The following KSR2 variants were observed in gnomAD, a reference collection of about 807,000 sequenced individuals.
KSR2 encodes kinase suppressor of ras 2.
In KSR2, 25 loss-of-function variants were observed where a neutral mutation model predicts 107.8. The observed-to-expected ratio is 0.23, with a 90% CI of 0.17 to 0.32. The LOEUF (loss-of-function observed/expected upper bound fraction) is 0.32. Among genes scored for constraint, KSR2 ranks in the 10% least tolerant of loss-of-function variants. KSR2 has a pLI of 1.00. For missense variants in KSR2, 887 were observed against 1,268.9 expected (o/e 0.70, Z 4.57); for synonymous variants, 480 against 507.0 (o/e 0.95, Z 0.71).
At chr12:117,740,617 ATATAT>A (rs1443667874) in intron 4 of KSR2, among the ~76,000 whole-genome samples, 4 of 116,838 alleles carry the variant, frequency 3.4e-5, no homozygotes, top group Admixed American at 1.0e-4. Context: ...TAAAATATAC[ATATAT>A]TATATATGTA....
intron 3 of KSR2, among the ~76,000 whole-genome samples, chr12:117,827,034 C>CAAAAA (rs58583797): frequency 0.016 from 1,606 of 103,488 alleles, 53 homozygotes; most frequent in African/African-American, 0.056. Context: ...GACCCTGTCT[C>CAAAAA]AAAAAAAAAA....
chr12:117,856,265 T>C (rs925190975), intron 2 of KSR2, among the ~76,000 whole-genome samples: 1 of 152,186 alleles, frequency 6.6e-6, no homozygotes, highest in Non-Finnish European at 1.5e-5. Flanking sequence ...ACTTAACGTG[T>C]TGGGCAGGTG....
chr12:117,655,789 C>A (rs1321136094), intron 5 of KSR2, among the ~76,000 whole-genome samples: 1 of 152,128 alleles, frequency 6.6e-6, no homozygotes, highest in Non-Finnish European at 1.5e-5. Flanking sequence ...GGGTGAATGA[C>A]CCAGACTATC....
At chr12:117,871,874 C>T (rs1179521323) in intron 1 of KSR2, among the ~76,000 whole-genome samples, 1 of 151,890 alleles carries the variant, frequency 6.6e-6, no homozygotes. Context: ...CCAGGCTGGT[C>T]TCAAACTCCT....
At chr12:117,744,347 T>A (rs1437601868) in intron 4 of KSR2, among the ~76,000 whole-genome samples, 1 of 152,200 alleles carries the variant, frequency 6.6e-6, no homozygotes, top group Non-Finnish European at 1.5e-5. Flanking sequence ...TCCTTGAACA[T>A]AAAGTGATAA....
intron 14 of KSR2, among the ~76,000 whole-genome samples, chr12:117,510,752 C>A (rs1463907067): frequency 6.6e-6 from 1 of 152,030 alleles, no homozygotes; most frequent in Non-Finnish European, 1.5e-5. Context: ...GTGGCATGTG[C>A]CTGTGGTCCC....
chr12:117,765,781 G>A (rs1043469783), intron 3 of KSR2, among the ~76,000 whole-genome samples: 3 of 152,126 alleles, frequency 2.0e-5, no homozygotes, highest in African/African-American at 7.2e-5. Flanking sequence ...GGATGAGGAG[G>A]TGACAGTGGG....
At chr12:117,575,470 C>T (rs1879225323) in intron 7 of KSR2, among the ~76,000 whole-genome samples, 1 of 152,180 alleles carries the variant, frequency 6.6e-6, no homozygotes, top group Admixed American at 6.5e-5. Context: ...CCATTTCTAG[C>T]CCTCATCCAA....
In KSR2 at chr12:117,603,975, A is replaced by G. The variant is rs375231870; in HGVS notation, c.1172-21616T>C. 6.6e-5 allele frequency among the ~76,000 whole-genome samples: 10 copies of G among 152,304 alleles called. No individual in the cohort carries two copies. The East Asian group carries it at 1.5e-3, about 23-fold the overall frequency. On this transcript the variant is annotated intron_variant, in intron 5 of 19. Transcript: ENST00000339824. ...AACTAACATTTCTTCCTGAAAAGAG[A>G]TCACCAACCATGGAGTGGTTCTGCC...
chr12:117,789,043 T>C (rs1184629609), intron 3 of KSR2, among the ~76,000 whole-genome samples: 1 of 152,208 alleles, frequency 6.6e-6, no homozygotes, highest in Non-Finnish European at 1.5e-5. Context: ...TTGCAACAAG[T>C]TCTCAGGGGT....
At chr12:117,924,170 G>A (rs564298646) in intron 1 of KSR2, among the ~76,000 whole-genome samples, 13 of 151,688 alleles carry the variant, frequency 8.6e-5, no homozygotes, top group African/African-American at 7.3e-5. Context: ...GAGCCACTGC[G>A]CCCGGCCTAT....
chr12:117,538,794 A>G (rs939879254), intron 10 of KSR2, among the ~76,000 whole-genome samples: 3 of 152,198 alleles, frequency 2.0e-5, no homozygotes, highest in Admixed American at 6.5e-5. Flanking sequence ...TACCATGTTG[A>G]ACAAAACAGA....
At chr12:117,543,762 A>G (rs939205220) in intron 9 of KSR2, among the ~76,000 whole-genome samples, 1 of 152,162 alleles carries the variant, frequency 6.6e-6, no homozygotes, top group East Asian at 1.9e-4. Context: ...TTCTCTCACA[A>G]TTTTGGAGGG....
intron 4 of KSR2, among the ~76,000 whole-genome samples, chr12:117,692,453 TATATATATATATATATATATATATATA>T (rs1885858741): frequency 0.071 from 3 of 42 alleles, no homozygotes; most frequent in Non-Finnish European, 0.14. Context: ...TTCACTCATA[TATATATATATATATATATATATATATA>T]TATATATATA....
At chr12:117,685,817 G>C (rs996080008) in intron 4 of KSR2, among the ~76,000 whole-genome samples, 2 of 152,208 alleles carry the variant, frequency 1.3e-5, no homozygotes, top group African/African-American at 4.8e-5. Flanking sequence ...AAGATCACTG[G>C]ACAGAGAAGC....
At position 117,968,891 on chromosome 12, in the gene KSR2, C is replaced by CT. The variant is rs1566105550; in HGVS notation, c.-637_-636insA. 20 of 247,572 alleles carry CT rather than the reference C, an allele frequency of 8.1e-5. No homozygotes were observed. Among genetic ancestry groups the CT allele is most frequent in the Middle Eastern group, 1.2e-3 (1 of 828 alleles). 15.3% of individuals were successfully genotyped at this position (247,572 alleles called of 1,614,324 possible). On this transcript the variant is annotated 5_prime_UTR_variant, in exon 1 of 20. The change creates a premature stop within an existing upstream ORF in the 5' untranslated region. Transcript: ENST00000339824. Reference sequence around the variant, plus strand: ...GCGGCTGGCTGCTGTCTCCTCCCCGCGCTGCTGCTGCTGCTGCTGCTGCCG... The same window carrying CT: ...GCGGCTGGCTGCTGTCTCCTCCCCGCTGCTGCTGCTGCTGCTGCTGCTGCCG...
At chr12:117,604,384 C>A (rs984507187) in intron 5 of KSR2, among the ~76,000 whole-genome samples, 8 of 152,136 alleles carry the variant, frequency 5.3e-5, no homozygotes, top group Non-Finnish European at 8.8e-5. Context: ...AAAGAAAAGA[C>A]AATCTGTTTT....
chr12:117,812,567 C>A (rs1262973304), intron 3 of KSR2, among the ~76,000 whole-genome samples: 1 of 152,102 alleles, frequency 6.6e-6, no homozygotes, highest in East Asian at 1.9e-4. Context: ...CCTGTACTCT[C>A]CATTTCCCAG....
chr12:117,879,102 G>C (rs905836981), intron 1 of KSR2, among the ~76,000 whole-genome samples: 1 of 152,074 alleles, frequency 6.6e-6, no homozygotes, highest in Admixed American at 6.5e-5. Flanking sequence ...TTTAACCCTA[G>C]AATTGTGTGA....
Sources: gnomAD v4.1 joint callset for allele counts (sites outside exome capture counted in the v4.1 genomes callset) on GRCh38, gnomAD v4.1.1 for gene constraint, MANE v1.5 for transcripts, NCBI Gene and HGNC (gene_info 2026-07-23, HGNC 2026-07-21) for gene names.